ZNHIT6: variants seen among roughly 807,000 people sequenced by gnomAD.
The protein encoded by ZNHIT6 is zinc finger HIT-type containing 6.
A neutral mutation model predicts 57.2 loss-of-function variants in ZNHIT6; 45 were observed. The observed-to-expected ratio is 0.79, with a 90% CI of 0.62 to 1.01. ZNHIT6 has a LOEUF of 1.01. Ranked by LOEUF, ZNHIT6 falls within the 50% of genes least tolerant of loss-of-function variation. The pLI, the probability that ZNHIT6 is intolerant of heterozygous loss-of-function variation, is 0.00. For missense variants in ZNHIT6, 528 were observed against 567.3 expected (o/e 0.93, Z 0.70); for synonymous variants, 188 against 190.0 (o/e 0.99, Z 0.09).
chr1:85,677,883 C>T (rs923998249), intron 7 of ZNHIT6, among the ~76,000 whole-genome samples: 4 of 152,196 alleles, frequency 2.6e-5, no homozygotes, highest in Non-Finnish European at 5.9e-5. Flanking sequence ...CGGGTTTCTG[C>T]CCAGGAGCAC....
In ZNHIT6 at chr1:85,653,990, C is replaced by T; in HGVS notation, c.*68G>A. The stretch of plus-strand genomic sequence containing the variant: ...CATTGACAATACCCCAATCAGCCAA[C>T]AGCCCATCAATGCAGAGTCTGCTGC... On this transcript the variant is annotated 3_prime_UTR_variant, in exon 10 of 10. Coordinates refer to ENST00000370574, the MANE Select transcript of ZNHIT6 (RefSeq NM_017953.4). 1 of 1,365,096 alleles carries T rather than the reference C, an allele frequency of 7.3e-7. No homozygotes were observed. The highest frequency in any genetic ancestry group is 1.0e-6 in the Non-Finnish European group (1 of 967,524). The allele number at this position is 1,365,096 out of a possible 1,614,324, so 84.6% of individuals were successfully genotyped here.
chr1:85,668,861 T>A (rs911333463), intron 8 of ZNHIT6, among the ~76,000 whole-genome samples: 2 of 152,174 alleles, frequency 1.3e-5, no homozygotes, highest in African/African-American at 4.8e-5. Context: ...CAAAAACTTG[T>A]CACATGTTAG....
At chr1:85,672,502 T>C (rs1380999985) in intron 8 of ZNHIT6, among the ~76,000 whole-genome samples, 1 of 152,192 alleles carries the variant, frequency 6.6e-6, no homozygotes, top group Non-Finnish European at 1.5e-5. Context: ...AGGCCCTCTG[T>C]ACCCTCTCCT....
At chr1:85,671,466 A>AC (rs1553156159) in intron 8 of ZNHIT6, among the ~76,000 whole-genome samples, 6 of 149,536 alleles carry the variant, frequency 4.0e-5, no homozygotes, top group African/African-American at 1.5e-4. Flanking sequence ...TAAAAAAAAA[A>AC]TTTTTTTTTT....
intron 5 of ZNHIT6, among the ~76,000 whole-genome samples, chr1:85,684,149 T>G (rs557302851): frequency 6.6e-6 from 1 of 152,216 alleles, no homozygotes; most frequent in Non-Finnish European, 1.5e-5. Flanking sequence ...GGTATTACTA[T>G]ACCTAGTATA....
Position 85,706,097 on chromosome 1 carries a change from C to G in ZNHIT6, c.896G>C (p.Arg299Thr), listed in dbSNP as rs1477235237. The G allele has an allele frequency of 1.2e-6, 2 of 1,613,006 alleles. No homozygotes were observed. Among genetic ancestry groups the G allele is most frequent in the Non-Finnish European group, 1.7e-6 (2 of 1,179,590 alleles). ...DHISRDAFLKRPISNKYMYFM... is the reference protein window; with the variant it reads ...DHISRDAFLKTPISNKYMYFM... ...TCTTACATATTTATTGCTTATTGGT[C>G]TCTTCAAAAAAGCATCTCTAGAAAT... is the stretch of plus-strand genomic sequence containing the variant. The change falls in exon 4 of 10, where the codon AGA (arginine) becomes ACA (threonine). Residue 299 changes from arginine to threonine, a missense_variant. Transcript: ENST00000370574.
intron 8 of ZNHIT6, among the ~76,000 whole-genome samples, chr1:85,659,579 A>G (rs920395436): frequency 1.3e-5 from 2 of 152,252 alleles, no homozygotes; most frequent in Non-Finnish European, 2.9e-5. Context: ...ATTGGGATAC[A>G]TTTAAATTTG....
chr1:85,708,063 G>A lies in ZNHIT6; in HGVS notation c.222C>T (p.Asp74=). ...SGQRPEEIPM[D]LTVVKQEIID... Reference sequence around the variant, plus strand: ...TAATTTCCTGCTTCACTACCGTTAGGTCCATCGGTATTTCCTCTGGCCTTT... The same window carrying A: ...TAATTTCCTGCTTCACTACCGTTAGATCCATCGGTATTTCCTCTGGCCTTT... Residue 74 remains aspartate (D), a synonymous_variant, in exon 1 of 10, where the codon GAC becomes GAT. Transcript: ENST00000370574. 6.2e-7 allele frequency: 1 copy of A among 1,613,930 alleles called. No homozygotes were observed. The highest frequency in any genetic ancestry group is 8.5e-7 in the Non-Finnish European group (1 of 1,180,016).
In ZNHIT6 at chr1:85,708,100, T is replaced by C. The variant is rs1031747290; in HGVS notation, c.185A>G (p.Glu62Gly). Residue 62 changes from glutamate (E) to glycine (G), a missense_variant, in exon 1 of 10, where the codon GAA becomes GGA. Glu to Gly is a moderately conservative substitution (Grantham distance 98). Transcript: ENST00000370574. ...TTCCTCTGGCCTTTGTCCACTTCCT[T>C]CCTCTCCATCCCCTATCTCCTTTAT... ...TGIKEIGDGE[E>G]GSGQRPEEIP... 1 of 1,613,962 alleles carries C rather than the reference T, an allele frequency of 6.2e-7. No homozygotes were observed. Among genetic ancestry groups the C allele is most frequent in the Non-Finnish European group, 8.5e-7 (1 of 1,179,986 alleles).
intron 8 of ZNHIT6, among the ~76,000 whole-genome samples, chr1:85,668,146 AAAT>A (rs1007116417): frequency 1.6e-4 from 24 of 151,288 alleles, no homozygotes; most frequent in African/African-American, 5.6e-4. Context: ...TTTACGTTTT[AAAT>A]AATAAAATTT....
At chr1:85,668,455 C>G (rs1661449724) in intron 8 of ZNHIT6, among the ~76,000 whole-genome samples, 1 of 152,120 alleles carries the variant, frequency 6.6e-6, no homozygotes, top group Non-Finnish European at 1.5e-5. Context: ...AATTCTTCAA[C>G]AGTTATTTTC....
chr1:85,700,434 T>G (rs1186412327), intron 5 of ZNHIT6, among the ~76,000 whole-genome samples: 1 of 152,140 alleles, frequency 6.6e-6, no homozygotes, highest in Non-Finnish European at 1.5e-5. Flanking sequence ...AAAAGACTTA[T>G]GCAAGAAGAA....
At chr1:85,667,803 G>A (rs1225620144) in intron 8 of ZNHIT6, among the ~76,000 whole-genome samples, 1 of 149,868 alleles carries the variant, frequency 6.7e-6, no homozygotes, top group Non-Finnish European at 1.5e-5. Flanking sequence ...GTGTGGTAGT[G>A]TGTGCCTGTG....
chr1:85,658,121 A>AG (rs1661115220), intron 8 of ZNHIT6, 150 bp from the exon 9 acceptor site: 2 of 498,130 alleles, frequency 4.0e-6, no homozygotes, highest in East Asian at 3.3e-5. Context: ...TAAGTTTAAT[A>AG]CCTTCTAAGA....
At chr1:85,666,573 C>T (rs972522093) in intron 8 of ZNHIT6, among the ~76,000 whole-genome samples, 2 of 152,092 alleles carry the variant, frequency 1.3e-5, no homozygotes, top group African/African-American at 4.8e-5. Context: ...TGAAAGCTAC[C>T]GAGACCTCAA....
intron 8 of ZNHIT6, among the ~76,000 whole-genome samples, chr1:85,673,293 T>C (rs1306007450): frequency 6.6e-6 from 1 of 152,208 alleles, no homozygotes; most frequent in Non-Finnish European, 1.5e-5. Flanking sequence ...ATAATAGCTT[T>C]TCTAAGAGAT....
chr1:85,700,342 T>C (rs1662495171), intron 5 of ZNHIT6, among the ~76,000 whole-genome samples: 1 of 152,186 alleles, frequency 6.6e-6, no homozygotes, highest in Non-Finnish European at 1.5e-5. Context: ...AGCCTATTAG[T>C]ACATACTATG....
intron 8 of ZNHIT6, among the ~76,000 whole-genome samples, chr1:85,669,691 G>A (rs1661496985): frequency 2.0e-5 from 3 of 152,202 alleles, no homozygotes; most frequent in Admixed American, 2.0e-4. Context: ...TGGAAGCAAA[G>A]TGAAGGCAAT....
chr1:85,700,727 C>T (rs140444897), intron 5 of ZNHIT6, among the ~76,000 whole-genome samples: 4 of 152,312 alleles, frequency 2.6e-5, no homozygotes, highest in African/African-American at 7.2e-5. Flanking sequence ...TTACCATAAA[C>T]TTCAAATTAT....
Sources: allele counts gnomAD v4.1 joint callset (sites outside exome capture counted in the v4.1 genomes callset), GRCh38; gene constraint gnomAD v4.1.1; transcripts MANE v1.5; gene names NCBI Gene and HGNC (gene_info 2026-07-23, HGNC 2026-07-21).